MAN2A1: variants seen among roughly 807,000 people sequenced by gnomAD.
MAN2A1 encodes mannosidase alpha class 2A member 1, also known as alpha-mannosidase 2.
Under a neutral mutation model 142.6 loss-of-function variants are expected in MAN2A1, and 76 were observed. The ratio of observed to expected loss-of-function variants is 0.53; its 90% CI spans 0.44 to 0.65. The LOEUF is 0.65. Among genes scored for constraint, MAN2A1 ranks in the 30% least tolerant of loss-of-function variants. The probability of loss-of-function intolerance (pLI) is 0.00; values close to 1 mark genes in which losing one functional copy is unlikely to be tolerated. For synonymous variants in MAN2A1, 559 were observed against 473.2 expected (o/e 1.18, Z -2.35); for missense variants, 1,311 against 1,365.1 (o/e 0.96, Z 0.62).
At chr5:109,731,573 C>T (rs1464436290) in intron 4 of MAN2A1, among the ~76,000 whole-genome samples, 5 of 136,450 alleles carry the variant, frequency 3.7e-5, no homozygotes, top group African/African-American at 1.1e-4. Flanking sequence ...CATGTGTTCT[C>T]ATTGTTCAAT....
In MAN2A1 at chr5:109,806,659, A is replaced by G. The variant is rs192183389; in HGVS notation, c.1944-10614A>G. 1.8e-4 allele frequency among the ~76,000 whole-genome samples: 27 copies of G among 152,336 alleles called. No individual in the cohort carries two copies. In the East Asian group the frequency reaches 3.9e-3, roughly 22 times the overall value. ...TGCCATTCTTAGTTTAGAAACTAAA[A>G]GTTTATTAGTAATATTTTGTGGAAT... On this transcript the variant is annotated intron_variant, in intron 12 of 21. Transcript: ENST00000261483.
chr5:109,811,807 C>A (rs1754327304), intron 12 of MAN2A1, among the ~76,000 whole-genome samples: 1 of 152,128 alleles, frequency 6.6e-6, no homozygotes, highest in Non-Finnish European at 1.5e-5. Flanking sequence ...CAGCATCTTT[C>A]TCTCCTTTCT....
At chr5:109,805,179 C>G (rs1214129953) in intron 12 of MAN2A1, among the ~76,000 whole-genome samples, 1 of 152,084 alleles carries the variant, frequency 6.6e-6, no homozygotes, top group Non-Finnish European at 1.5e-5. Flanking sequence ...TAATTGGTGA[C>G]AAGACTCTTG....
chr5:109,690,537 G>T lies in MAN2A1; in HGVS notation c.120G>T (p.Glu40Asp). 1 of 1,607,060 alleles carries T rather than the reference G, an allele frequency of 6.2e-7. No individual in the cohort carries two copies. Among genetic ancestry groups the T allele is most frequent in the East Asian group, 2.2e-5 (1 of 44,502 alleles). ...ACTACCCCAGGAACCCGCGCCGCGA[G>T]GGCTCCTTCCCTCAGGTAAGCACCT... ...HLDYPRNPRR[E>D]GSFPQGQLSM... Residue 40 changes from glutamate (E) to aspartate (D), a missense_variant, in exon 1 of 22, where the codon GAG becomes GAT. Coordinates refer to ENST00000261483, the MANE Select transcript of MAN2A1 (RefSeq NM_002372.4).
rs561580690 is a variant in MAN2A1 at position 109,726,420 on chromosome 5, A to G, written c.536-2922A>G. 2.0e-4 allele frequency among the ~76,000 whole-genome samples: 31 copies of G among 152,328 alleles called. No homozygotes were observed. In the South Asian group the frequency reaches 6.4e-3, roughly 32 times the overall value. On this transcript the variant is annotated intron_variant, in intron 3 of 21. Transcript: ENST00000261483. ...ATATTACTCAGTACTGAAAGCTGCA[A>G]GAGGCTATCTTTCAGTTCATTCTTC...
rs761431559 is a variant in MAN2A1, at chr5:109,843,232, C to A, written c.2700+771C>A. ...TGGAGGGGTAGCCTCAGGAAACTTA[C>A]AATCGTAGAGGAAGGGGAAGCAGAC... On this transcript the variant is annotated intron_variant, in intron 17 of 21. Coordinates refer to ENST00000261483, the MANE Select transcript of MAN2A1 (RefSeq NM_002372.4). 3.3e-5 allele frequency among the ~76,000 whole-genome samples: 5 copies of A among 152,138 alleles called. No homozygotes were observed. The East Asian group carries it at 9.6e-4, about 29-fold the overall frequency.
At position 109,851,376 on chromosome 5, in the gene MAN2A1, A is replaced by G. The variant is rs189646480; in HGVS notation, c.2976+3586A>G. The stretch of plus-strand genomic sequence containing the variant: ...TTCATGTGTTGAAAACTTGGCTACC[A>G]TTGTGGTAATGTTGGGAGTGGGACC... On this transcript the variant is annotated intron_variant, in intron 19 of 21. Transcript: ENST00000261483. Among the ~76,000 whole-genome samples, 399 of 152,278 alleles carry G rather than the reference A, an allele frequency of 2.6e-3. 1 individual carries two copies. The highest frequency in any genetic ancestry group is 9.1e-3 in the African/African-American group (378 of 41,572).
intron 19 of MAN2A1, among the ~76,000 whole-genome samples, chr5:109,849,236 C>T (rs1755417696): frequency 6.6e-6 from 1 of 152,174 alleles, no homozygotes; most frequent in African/African-American, 2.4e-5. Context: ...ATCTCTTCTA[C>T]TCCTCTGGTT....
chr5:109,799,904 A>G (rs985087049), intron 12 of MAN2A1, among the ~76,000 whole-genome samples: 8 of 152,110 alleles, frequency 5.3e-5, no homozygotes, highest in Admixed American at 3.9e-4. Flanking sequence ...CCTGGCCAAC[A>G]TGGTGAAACC....
chr5:109,868,626 A>G lies in MAN2A1; in HGVS notation c.*1628A>G, dbSNP rs1755938413. 6.6e-6 allele frequency: 1 copy of G among 152,190 alleles called. No homozygotes were observed. Among genetic ancestry groups the G allele is most frequent in the South Asian group, 2.1e-4 (1 of 4,832 alleles). The allele number at this position is 152,190 out of a possible 1,614,324, so 9.4% of individuals were successfully genotyped here. On this transcript the variant is annotated 3_prime_UTR_variant, in exon 22 of 22. Transcript: ENST00000261483. ...GCTCCTAAGATTATTGTTATGTTAA[A>G]TTCATAAACTCCTTCACCTTTAATA...
At chr5:109,727,620 C>T (rs1427676265) in intron 3 of MAN2A1, among the ~76,000 whole-genome samples, 1 of 152,166 alleles carries the variant, frequency 6.6e-6, no homozygotes, top group Non-Finnish European at 1.5e-5. Flanking sequence ...TAATTGTATA[C>T]TTTACAAATT....
chr5:109,777,025 A>T (rs191613942), intron 8 of MAN2A1, among the ~76,000 whole-genome samples: 170 of 152,254 alleles, frequency 1.1e-3, no homozygotes, highest in African/African-American at 3.7e-3. Context: ...GATTGTTCCC[A>T]GTTTTTGTCT....
intron 8 of MAN2A1, among the ~76,000 whole-genome samples, chr5:109,776,404 C>T (rs972505600): frequency 6.6e-6 from 1 of 151,828 alleles, no homozygotes; most frequent in African/African-American, 2.4e-5. Context: ...GTGTATTTTC[C>T]TGAGAGATGA....
At chr5:109,840,631 C>A in intron 16 of MAN2A1, 1 of 469,148 alleles carries the variant, frequency 2.1e-6, no homozygotes, top group South Asian at 1.6e-5. Flanking sequence ...TCTCAGATTC[C>A]CTGGGACGTT....
chr5:109,725,602 T>C (rs2112578313), intron 3 of MAN2A1, among the ~76,000 whole-genome samples: 1 of 152,288 alleles, frequency 6.6e-6, no homozygotes, highest in South Asian at 2.1e-4. Flanking sequence ...TGTGGATTTA[T>C]CCAATTGAAA....
At chr5:109,729,660 G>A (rs975322616) in intron 4 of MAN2A1, 147 bp downstream of exon 4, 1 of 483,624 alleles carries the variant, frequency 2.1e-6, no homozygotes, top group Non-Finnish European at 3.5e-6. Flanking sequence ...GTTGATTTTG[G>A]TTCATCTCTG....
chr5:109,760,385 G>C lies in MAN2A1; in HGVS notation c.835+4929G>C, dbSNP rs1427060293. On this transcript the variant is annotated intron_variant, in intron 5 of 21. Transcript: ENST00000261483. Reference sequence around the variant, plus strand: ...TATTTTCTTTATCCAGTTTATCATTGATGGGCATTTGGGTTGGTTCCAAGT... The same window carrying C: ...TATTTTCTTTATCCAGTTTATCATTCATGGGCATTTGGGTTGGTTCCAAGT... Among the ~76,000 whole-genome samples the C allele has an allele frequency of 3.9e-5, 6 of 152,182 alleles. No individual in the cohort carries two copies. In the Middle Eastern group the frequency reaches 0.01, roughly 259 times the overall value.
intron 11 of MAN2A1, 132 bp from the exon 12 acceptor site, chr5:109,789,328 A>C (rs1753680240): frequency 1.8e-6 from 1 of 564,810 alleles, no homozygotes; most frequent in African/African-American, 2.0e-5. Flanking sequence ...TTAATTAGAA[A>C]CCCCTTGATA....
intron 2 of MAN2A1, 82 bp from the exon 3 acceptor site, chr5:109,716,038 C>A: frequency 1.1e-6 from 1 of 869,750 alleles, no homozygotes. Context: ...CAGAGTATAG[C>A]AGTGAATAAT....
Sources: gnomAD v4.1 joint callset for allele counts (sites outside exome capture counted in the v4.1 genomes callset) on GRCh38, gnomAD v4.1.1 for gene constraint, MANE v1.5 for transcripts, NCBI Gene and HGNC (gene_info 2026-07-23, HGNC 2026-07-21) for gene names.